The following MYT1L variants were observed in gnomAD, a reference collection of about 807,000 sequenced individuals.
MYT1L encodes the protein myelin transcription factor 1-like protein.
In MYT1L, 12 loss-of-function variants were observed where a neutral mutation model predicts 126.7. That is an observed-to-expected ratio of 0.09 (90% CI 0.06 to 0.15). MYT1L has a LOEUF of 0.15. MYT1L is among the 10% of genes least tolerant of loss of function. The probability of loss-of-function intolerance (pLI) is 1.00; values close to 1 mark genes in which losing one functional copy is unlikely to be tolerated. For missense variants in MYT1L, 979 were observed against 1,585.2 expected, an observed-to-expected ratio of 0.62 and a Z score of 6.49; for synonymous variants, 541 against 604.2, an observed-to-expected ratio of 0.90 and a Z score of 1.53.
chr2:2,146,401 G>A (rs1189173303), intron 3 of MYT1L, among the ~76,000 whole-genome samples: 2 of 152,132 alleles, frequency 1.3e-5, no homozygotes, highest in South Asian at 4.1e-4. Flanking sequence ...CAGAGCACCT[G>A]GGACGATAGA....
intron 9 of MYT1L, among the ~76,000 whole-genome samples, chr2:1,924,720 G>A (rs1166605583): frequency 6.6e-6 from 1 of 152,182 alleles, no homozygotes; most frequent in Non-Finnish European, 1.5e-5. Context: ...CTAATTGTGT[G>A]AAACAAATAT....
In MYT1L at chr2:1,917,799, T is replaced by C. The variant is rs1280351261; in HGVS notation, c.1484-460A>G. ...ATTTCTTTCTTATTGAGTGCTCTGA[T>C]CGCATACACTAGAAGCTGCAGGATT... On this transcript the variant is annotated intron_variant, in intron 10 of 24. Transcript: ENST00000647738. This position sits in a 1 kb window ranked among gnomAD's most constrained non-coding sequence, Gnocchi z 5.9. Among the ~76,000 whole-genome samples, 1 of 152,242 alleles carries C rather than the reference T, an allele frequency of 6.6e-6. No homozygotes were observed. The highest frequency in any genetic ancestry group is 1.5e-5 in the Non-Finnish European group (1 of 68,044).
intron 13 of MYT1L, among the ~76,000 whole-genome samples, chr2:1,909,898 A>C (rs1477767585): frequency 6.6e-6 from 1 of 152,160 alleles, no homozygotes; most frequent in Non-Finnish European, 1.5e-5. Context: ...AATATGACAA[A>C]ATTACCTTGG....
intron 4 of MYT1L, among the ~76,000 whole-genome samples, chr2:2,048,587 G>A (rs2068457794): frequency 6.6e-6 from 1 of 152,130 alleles, no homozygotes; most frequent in Non-Finnish European, 1.5e-5. Flanking sequence ...ACTACAGCAG[G>A]ACTCTCAGCA....
intron 2 of MYT1L, among the ~76,000 whole-genome samples, chr2:2,267,831 G>C (rs988862291): frequency 6.6e-6 from 1 of 151,936 alleles, no homozygotes; most frequent in Non-Finnish European, 1.5e-5. Flanking sequence ...TAAAATCATG[G>C]AATGGACACC....
intron 1 of MYT1L, among the ~76,000 whole-genome samples, chr2:2,292,823 A>G (rs2095619198): frequency 6.6e-6 from 1 of 152,150 alleles, no homozygotes; most frequent in Non-Finnish European, 1.5e-5. Context: ...TCCCTAATTT[A>G]TTTTAACCCC....
At chr2:1,921,052 A>T (rs182255458) in intron 10 of MYT1L, among the ~76,000 whole-genome samples, 11 of 152,324 alleles carry the variant, frequency 7.2e-5, no homozygotes, top group African/African-American at 2.4e-4. Context: ...AGGAGAATAC[A>T]CGTCTGTGCC....
chr2:1,802,863 T>G (rs1368519895), intron 22 of MYT1L, among the ~76,000 whole-genome samples: 2 of 152,250 alleles, frequency 1.3e-5, no homozygotes, highest in African/African-American at 4.8e-5. Context: ...ATTGCTGTTC[T>G]CATTGGCCAC....
rs1385814403 is a variant in MYT1L at position 1,889,560 on chromosome 2, C to G, written c.2284-83G>C. On this transcript the variant is annotated intron_variant, in intron 15 of 24. Transcript: ENST00000647738. The surrounding 1 kb of genome is among the most constrained non-coding windows in gnomAD (Gnocchi z 4.1). ...TCCTTCCTCCCAGATTACAGTCCTG[C>G]CGTCAGCCAGTGTAGCGTTCAACAC... The G allele has an allele frequency of 6.9e-6, 8 of 1,154,332 alleles. No individual in the cohort carries two copies. The highest frequency in any genetic ancestry group is 2.4e-5 in the Admixed American group (1 of 42,460). 71.5% of individuals were successfully genotyped at this position (1,154,332 alleles called of 1,614,324 possible). A position where few individuals can be genotyped will look rare whatever the true frequency, so the allele number is the denominator to read the frequency against.
intron 1 of MYT1L, among the ~76,000 whole-genome samples, chr2:2,299,222 C>T (rs564617348): frequency 9.5e-4 from 145 of 152,312 alleles, no homozygotes; most frequent in Non-Finnish European, 1.5e-3. Context: ...TCTCCAGGGA[C>T]TTGGCACTAA....
At chr2:2,176,244 T>C (rs2090753746) in intron 2 of MYT1L, among the ~76,000 whole-genome samples, 1 of 151,956 alleles carries the variant, frequency 6.6e-6, no homozygotes, top group African/African-American at 2.4e-5. Context: ...TAGGGACATC[T>C]TAATAAGAAA....
chr2:2,248,825 C>T (rs1056404849), intron 2 of MYT1L, among the ~76,000 whole-genome samples: 2 of 152,104 alleles, frequency 1.3e-5, no homozygotes, highest in Admixed American at 6.5e-5. Flanking sequence ...TTCAACATCG[C>T]TTTATGATAA....
At position 1,910,567 on chromosome 2, in the gene MYT1L, C is replaced by T. The variant is rs1018851977; in HGVS notation, c.1710-220G>A. 1.7e-4 allele frequency among the ~76,000 whole-genome samples: 26 copies of T among 152,116 alleles called. No individual in the cohort carries two copies. The highest frequency in any genetic ancestry group is 6.5e-5 in the Admixed American group (1 of 15,276). On this transcript the variant is annotated intron_variant, in intron 12 of 24. Coordinates refer to ENST00000647738, the MANE Select transcript of MYT1L (RefSeq NM_001303052.2). This position sits in a 1 kb window ranked among gnomAD's most constrained non-coding sequence, Gnocchi z 4.8. ...GCTGGTCTCCAGCAGAGAATGCTGG[C>T]GGCAGTGCTATGTGTGAGGTGTATT...
At chr2:2,281,210 TGAA>T (rs1055099521) in intron 2 of MYT1L, among the ~76,000 whole-genome samples, 20 of 152,328 alleles carry the variant, frequency 1.3e-4, no homozygotes, top group African/African-American at 4.6e-4. Context: ...CTCCTTCCTG[TGAA>T]GAAGATGCCT....
chr2:1,801,987 C>T lies in MYT1L; in HGVS notation c.3173-188G>A. 1.9e-6 allele frequency: 1 copy of T among 513,258 alleles called. No homozygotes were observed. The highest frequency in any genetic ancestry group is 3.4e-6 in the Non-Finnish European group (1 of 292,982). 31.8% of individuals were successfully genotyped at this position (513,258 alleles called of 1,614,324 possible). On this transcript the variant is annotated intron_variant, in intron 22 of 24. Transcript: ENST00000647738. This position sits in a 1 kb window ranked among gnomAD's most constrained non-coding sequence, Gnocchi z 4.2. ...CTATTCCCTACCACCGCCCCTTCCC[C>T]ACCTAAGTTCCCCTACAAAAAGGAA... is the stretch of plus-strand genomic sequence containing the variant.
Position 2,330,404 on chromosome 2 carries a change from T to G in MYT1L, c.-521+563A>C, listed in dbSNP as rs569155895. Among the ~76,000 whole-genome samples the G allele has an allele frequency of 5.9e-5, 9 of 152,320 alleles. No individual in the cohort carries two copies. The East Asian group carries it at 1.7e-3, about 29-fold the overall frequency. Reference sequence around the variant, plus strand: ...AACTAAAGTGTAGAGTTTAATCTTTTAGTTTATTAATTTAGGTGTTACAAA... The same window carrying G: ...AACTAAAGTGTAGAGTTTAATCTTTGAGTTTATTAATTTAGGTGTTACAAA... On this transcript the variant is annotated intron_variant, in intron 1 of 24. Coordinates refer to ENST00000647738, the MANE Select transcript of MYT1L (RefSeq NM_001303052.2).
intron 4 of MYT1L, among the ~76,000 whole-genome samples, chr2:2,024,928 G>A (rs939408759): frequency 3.9e-5 from 6 of 152,340 alleles, no homozygotes; most frequent in Non-Finnish European, 7.3e-5. Flanking sequence ...GCGTGGACGC[G>A]TTCCGCCTGT....
chr2:1,898,639 A>T (rs924280572), intron 14 of MYT1L, among the ~76,000 whole-genome samples: 4 of 152,224 alleles, frequency 2.6e-5, no homozygotes, highest in Admixed American at 2.6e-4. Flanking sequence ...GGCAGGTGGT[A>T]CCCAAGAGGT....
At chr2:2,108,806 G>C (rs1300590834) in intron 3 of MYT1L, among the ~76,000 whole-genome samples, 1 of 151,816 alleles carries the variant, frequency 6.6e-6, no homozygotes, top group Non-Finnish European at 1.5e-5. Flanking sequence ...TTTTCGATGT[G>C]GAATATCTAT....
Sources: allele counts gnomAD v4.1 joint callset (sites outside exome capture counted in the v4.1 genomes callset), GRCh38; gene constraint gnomAD v4.1.1; non-coding constraint Gnocchi (gnomAD v3.1); transcripts MANE v1.5; gene names NCBI Gene and HGNC (gene_info 2026-07-23, HGNC 2026-07-21).